CDH9: variants seen among roughly 807,000 people sequenced by gnomAD.
The protein encoded by CDH9 is cadherin 9.
CDH9 carries 28 observed loss-of-function variants against 70.9 expected under a neutral mutation model. That is an observed-to-expected ratio of 0.40 (90% confidence interval 0.29 to 0.54). The LOEUF is 0.54. CDH9 is among the 20% of genes least tolerant of loss of function. CDH9 has a pLI of 0.59. For synonymous variants in CDH9, 409 were observed against 343.1 expected, an observed-to-expected ratio of 1.19 and a Z score of -2.12; for missense variants, 874 against 984.4, an observed-to-expected ratio of 0.89 and a Z score of 1.50.
At chr5:26,904,485 G>T (rs192845037) in intron 5 of CDH9, among the ~76,000 whole-genome samples, 5 of 151,942 alleles carry the variant, frequency 3.3e-5, no homozygotes, top group Non-Finnish European at 5.9e-5. Flanking sequence ...ACAATGTGCT[G>T]CAGTCTATAC....
chr5:26,911,944 G>A (rs1342256667), intron 3 of CDH9, among the ~76,000 whole-genome samples: 1 of 152,026 alleles, frequency 6.6e-6, no homozygotes, highest in Admixed American at 6.6e-5. Flanking sequence ...AAGGGAAGGA[G>A]TTGGTAAGAG....
chr5:26,966,985 T>C (rs1405693582), intron 2 of CDH9, among the ~76,000 whole-genome samples: 1 of 152,142 alleles, frequency 6.6e-6, no homozygotes, highest in Non-Finnish European at 1.5e-5. Flanking sequence ...CAGGCTGGAG[T>C]GCAGTGGTGA....
chr5:26,922,528 T>C (rs1290840854), intron 2 of CDH9, among the ~76,000 whole-genome samples: 1 of 152,024 alleles, frequency 6.6e-6, no homozygotes. Flanking sequence ...AATAAAGATT[T>C]ACATAGACAA....
chr5:26,983,343 T>A lies in CDH9; in HGVS notation c.228+4763A>T, dbSNP rs181650301. Among the ~76,000 whole-genome samples, 116 of 152,294 alleles carry A rather than the reference T, an allele frequency of 7.6e-4. No individual in the cohort carries two copies. In the Middle Eastern group the frequency reaches 0.01, roughly 13 times the overall value. On this transcript the variant is annotated intron_variant, in intron 2 of 11. Transcript: ENST00000231021. ...TTCAGTTAATTTTCTAGAGGTATTTTTGTGCTAGAGAATGGGATTATTCAA... is the reference window on the plus strand; with the variant it reads ...TTCAGTTAATTTTCTAGAGGTATTTATGTGCTAGAGAATGGGATTATTCAA...
At chr5:27,024,881 G>A (rs1579519697) in intron 1 of CDH9, among the ~76,000 whole-genome samples, 1 of 152,142 alleles carries the variant, frequency 6.6e-6, no homozygotes, top group Non-Finnish European at 1.5e-5. Flanking sequence ...GGAGGTGCAG[G>A]AAAGTAGGAG....
intron 7 of CDH9, among the ~76,000 whole-genome samples, chr5:26,901,040 A>G (rs1740846135): frequency 6.6e-6 from 1 of 152,038 alleles, no homozygotes; most frequent in Admixed American, 6.6e-5. Context: ...TTTGGATATG[A>G]ACACGCTAGT....
In CDH9 at chr5:26,906,765, A is replaced by G. The variant is rs976780530; in HGVS notation, c.597T>C (p.Tyr199=). ...ANYGNSAKVV[Y]SILQGQPYFS... is the part of the protein sequence containing the mutation. ...AATATGGCTGTCCTTGCAATATGCT[A>G]TAGACCACTTTGGCACTATTTCCAT... Residue 199 remains tyrosine, a synonymous_variant, in exon 4 of 12, where the codon TAT becomes TAC. Transcript: ENST00000231021. 1.2e-6 allele frequency: 2 copies of G among 1,613,268 alleles called. No individual in the cohort carries two copies. The highest frequency in any genetic ancestry group is 1.7e-6 in the Non-Finnish European group (2 of 1,179,562).
At chr5:26,887,135 G>A (rs1006840382) in intron 9 of CDH9, among the ~76,000 whole-genome samples, 8 of 151,950 alleles carry the variant, frequency 5.3e-5, no homozygotes, top group African/African-American at 1.9e-4. Flanking sequence ...AGCATGATAT[G>A]TAACTGTATT....
intron 1 of CDH9, among the ~76,000 whole-genome samples, chr5:27,022,163 C>T (rs1743148918): frequency 6.6e-6 from 1 of 151,910 alleles, no homozygotes; most frequent in South Asian, 2.1e-4. Context: ...TTTTTTAATA[C>T]ATAAACCAAT....
chr5:26,952,458 CAAAAAAAAAAAAAAAAAAA>C (rs766973787), intron 2 of CDH9, among the ~76,000 whole-genome samples: 1 of 9,960 alleles, frequency 1.0e-4, no homozygotes, highest in Non-Finnish European at 2.6e-4. Flanking sequence ...ACTAAAAATA[CAAAAAAAAAAAAAAAAAAA>C]AAAAAAAAAA....
Position 26,930,453 on chromosome 5 carries a change from A to G in CDH9, c.229-14529T>C, listed in dbSNP as rs566838757. On this transcript the variant is annotated intron_variant, in intron 2 of 11. Coordinates refer to ENST00000231021, the MANE Select transcript of CDH9 (RefSeq NM_016279.4). ...CACATATGTGAAAAGTTGGCCCTTC[A>G]TATATTTGGGTTTCACATCCTGCAA... 1.1e-4 allele frequency among the ~76,000 whole-genome samples: 16 copies of G among 152,206 alleles called. 1 individual carries two copies. In the South Asian group the frequency reaches 3.3e-3, roughly 32 times the overall value.
chr5:26,934,509 G>C (rs1453477202), intron 2 of CDH9, among the ~76,000 whole-genome samples: 2 of 152,060 alleles, frequency 1.3e-5, no homozygotes, highest in African/African-American at 4.8e-5. Context: ...TGGGAGAATA[G>C]CACCAAGTCA....
intron 1 of CDH9, among the ~76,000 whole-genome samples, chr5:26,997,519 T>G (rs948341268): frequency 1.3e-5 from 2 of 152,104 alleles, no homozygotes; most frequent in African/African-American, 4.8e-5. Flanking sequence ...TGATATAATA[T>G]TGTATATATT....
At chr5:26,923,359 G>A (rs567652364) in intron 2 of CDH9, among the ~76,000 whole-genome samples, 44 of 151,870 alleles carry the variant, frequency 2.9e-4, no homozygotes, top group African/African-American at 1.1e-3. Flanking sequence ...AATTCAGCAA[G>A]AAGATATAAC....
At chr5:26,962,367 T>A (rs1742051918) in intron 2 of CDH9, among the ~76,000 whole-genome samples, 1 of 152,192 alleles carries the variant, frequency 6.6e-6, no homozygotes, top group South Asian at 2.1e-4. Flanking sequence ...TCAAATGATA[T>A]TTCTAGTTCT....
At position 26,993,369 on chromosome 5, in the gene CDH9, T is replaced by C. The variant is rs572404893; in HGVS notation, c.-49-4987A>G. On this transcript the variant is annotated intron_variant, in intron 1 of 11. Transcript: ENST00000231021. The stretch of plus-strand genomic sequence containing the variant: ...TTCTAAGAAAATTGTTGAAGGAGCA[T>C]ATTGGCTTCTCTTTATAGTAAAATG... Among the ~76,000 whole-genome samples the C allele has an allele frequency of 5.5e-4, 83 of 152,264 alleles. 1 individual carries two copies. The highest frequency in any genetic ancestry group is 2.0e-3 in the African/African-American group (83 of 41,540).
chr5:27,038,491 C>T lies in CDH9; in HGVS notation c.-78G>A, dbSNP rs1338834590. 6.6e-6 allele frequency: 1 copy of T among 151,956 alleles called. No homozygotes were observed. The highest frequency in any genetic ancestry group is 2.4e-5 in the African/African-American group (1 of 41,384). 9.4% of individuals were successfully genotyped at this position (151,956 alleles called of 1,614,324 possible). On this transcript the variant is annotated 5_prime_UTR_variant, in exon 1 of 12. Transcript: ENST00000231021. Reference sequence around the variant, plus strand: ...GCTTAACAATGGAACTGAGTTTAGCCCTACTCCGCACTGACAGTTCCGTTG... The same window carrying T: ...GCTTAACAATGGAACTGAGTTTAGCTCTACTCCGCACTGACAGTTCCGTTG...
intron 2 of CDH9, among the ~76,000 whole-genome samples, chr5:26,925,772 A>G (rs1345165082): frequency 1.3e-5 from 2 of 152,128 alleles, no homozygotes; most frequent in African/African-American, 4.8e-5. Flanking sequence ...ACATATGGCT[A>G]GCCAGTTTTC....
chr5:26,887,232 T>C (rs1215168183), intron 9 of CDH9, among the ~76,000 whole-genome samples: 1 of 151,856 alleles, frequency 6.6e-6, no homozygotes, highest in East Asian at 1.9e-4. Context: ...AAAATAATTA[T>C]ATAGGATCTA....
Sources: allele counts gnomAD v4.1 joint callset (sites outside exome capture counted in the v4.1 genomes callset), GRCh38; gene constraint gnomAD v4.1.1; transcripts MANE v1.5; gene names NCBI Gene and HGNC (gene_info 2026-07-23, HGNC 2026-07-21).